SHROOM2: variants seen among roughly 807,000 people sequenced by gnomAD.
SHROOM2 encodes the protein shroom family member 2.
SHROOM2 carries 33 observed loss-of-function variants against 75.9 expected under a neutral mutation model. The observed-to-expected ratio is 0.43, with a 90% CI of 0.33 to 0.58. The LOEUF is 0.58. Among genes scored for constraint, SHROOM2 ranks in the 20% least tolerant of loss-of-function variants. SHROOM2 has a pLI of 0.04. For missense variants in SHROOM2, 1,434 were observed against 1,461.2 expected (o/e 0.98, Z 0.30); for synonymous variants, 655 against 663.6 (o/e 0.99, Z 0.20).
At chrX:9,889,221 C>G (rs1262114363) in intron 2 of SHROOM2, among the ~76,000 whole-genome samples, 1 of 112,187 alleles carries the variant, frequency 8.9e-6, no homozygotes, top group East Asian at 2.8e-4. Flanking sequence ...TCAGCATGTT[C>G]CACATTTTGC....
chrX:9,883,769 G>A (rs1485163387), intron 2 of SHROOM2, among the ~76,000 whole-genome samples: 1 of 111,525 alleles, frequency 9.0e-6, no homozygotes, highest in African/African-American at 3.3e-5. Context: ...GGAAAAGGAA[G>A]GAAGCAGAGT....
chrX:9,806,628 T>C (rs1237995963), intron 1 of SHROOM2, among the ~76,000 whole-genome samples: 1 of 94,140 alleles, frequency 1.1e-5, no homozygotes, highest in Non-Finnish European at 2.1e-5. Flanking sequence ...GCAGTGGCAC[T>C]ATCCGGGCTC....
chrX:9,880,903 G>A (rs1192804503), intron 2 of SHROOM2, among the ~76,000 whole-genome samples: 1 of 111,627 alleles, frequency 9.0e-6, no homozygotes, highest in Non-Finnish European at 1.9e-5. Context: ...GGTACTTTTA[G>A]AACCAAATCC....
rs141083792 is a variant in SHROOM2, at chrX:9,840,655, C to A, written c.166-32997C>A. 4.2e-3 allele frequency among the ~76,000 whole-genome samples: 471 copies of A among 111,918 alleles called. 2 individuals carry two copies. The highest frequency in any genetic ancestry group is 0.014 in the African/African-American group (442 of 30,834). The stretch of plus-strand genomic sequence containing the variant: ...AAATATTCTTTAGCAATTCAAGCTG[C>A]TGTTTATGAGGTGGGCTGTTTATAG... On this transcript the variant is annotated intron_variant, in intron 1 of 9. Transcript: ENST00000380913.
chrX:9,878,720 T>C (rs1282753279), intron 2 of SHROOM2, among the ~76,000 whole-genome samples: 1 of 110,474 alleles, frequency 9.1e-6, no homozygotes, highest in Non-Finnish European at 1.9e-5. Flanking sequence ...TCAGCAGGTT[T>C]ACACCCCCAC....
chrX:9,831,732 G>T (rs2083917468), intron 1 of SHROOM2, among the ~76,000 whole-genome samples: 1 of 111,847 alleles, frequency 8.9e-6, no homozygotes, highest in Non-Finnish European at 1.9e-5. Context: ...CCAAGATCGA[G>T]GCGTGGCAGA....
chrX:9,797,753 G>C (rs1054543424), intron 1 of SHROOM2, among the ~76,000 whole-genome samples: 1 of 112,114 alleles, frequency 8.9e-6, no homozygotes, highest in African/African-American at 3.2e-5. Context: ...GCAGGAGGCC[G>C]GGAGAATGCC....
chrX:9,816,806 A>G (rs1408084935), intron 1 of SHROOM2, among the ~76,000 whole-genome samples: 2 of 110,757 alleles, frequency 1.8e-5, no homozygotes, highest in Non-Finnish European at 1.9e-5. Context: ...ACACAGCTTC[A>G]GACCAAAATC....
intron 1 of SHROOM2, among the ~76,000 whole-genome samples, chrX:9,867,228 C>T (rs371154253): frequency 1.8e-5 from 2 of 111,283 alleles, no homozygotes; most frequent in Non-Finnish European, 3.8e-5. Flanking sequence ...GAACTCTAAT[C>T]GGGGCCATAA....
chrX:9,876,783 C>A (rs2084203051), intron 2 of SHROOM2, among the ~76,000 whole-genome samples: 2 of 112,349 alleles, frequency 1.8e-5, no homozygotes, highest in Non-Finnish European at 3.8e-5. Flanking sequence ...ATATACATCT[C>A]TGTGTAAAGC....
chrX:9,855,795 A>G (rs892184974), intron 1 of SHROOM2, among the ~76,000 whole-genome samples: 6 of 111,354 alleles, frequency 5.4e-5, no homozygotes, highest in African/African-American at 1.6e-4. Context: ...ACCACGAACT[A>G]GGCACACGCT....
intron 1 of SHROOM2, among the ~76,000 whole-genome samples, chrX:9,864,826 A>G (rs1483337670): frequency 9.4e-6 from 1 of 106,708 alleles, no homozygotes; most frequent in Admixed American, 1.0e-4. Context: ...CTCCGTCTCA[A>G]AAAATAAATA....
At chrX:9,912,350 G>A (rs1278288887) in intron 5 of SHROOM2, 1 of 111,312 alleles carries the variant, frequency 9.0e-6, no homozygotes, top group Non-Finnish European at 1.9e-5. Flanking sequence ...CTGAGGCAAG[G>A]AGTTGCTGAT....
chrX:9,870,226 C>T (rs780967769), intron 1 of SHROOM2, among the ~76,000 whole-genome samples: 1 of 111,733 alleles, frequency 8.9e-6, no homozygotes, highest in East Asian at 2.8e-4. Context: ...ACCCTGTCTC[C>T]AAAAACACAG....
At position 9,944,804 on chromosome X, in the gene SHROOM2, T is replaced by C. The variant is rs759757462; in HGVS notation, c.4475T>C (p.Ile1492Thr). Residue 1492 changes from isoleucine (I) to threonine (T), a missense_variant, in exon 9 of 10, where the codon ATT (isoleucine) becomes ACT (threonine). This residue lies in a region of SHROOM2 where 14 missense variants were observed against 34.5 expected (regional missense o/e 0.41). Coordinates refer to ENST00000380913, the MANE Select transcript of SHROOM2 (RefSeq NM_001649.4). ...PSEFDKFRMF[I>T]GDLDKVVNLL... ...GAGTTTGACAAGTTCCGGATGTTCATTGGAGACCTGGACAAAGTGGTGAAC... is the reference window on the plus strand; with the variant it reads ...GAGTTTGACAAGTTCCGGATGTTCACTGGAGACCTGGACAAAGTGGTGAAC... The C allele has an allele frequency of 9.9e-6, 12 of 1,211,079 alleles. No individual in the cohort carries two copies. The highest frequency in any genetic ancestry group is 3.5e-5 in the African/African-American group (2 of 57,541).
intron 1 of SHROOM2, among the ~76,000 whole-genome samples, chrX:9,826,396 TG>T (rs2083887776): frequency 8.9e-6 from 1 of 112,053 alleles, no homozygotes; most frequent in Non-Finnish European, 1.9e-5. Context: ...TTTCTTTTTT[TG>T]ACAGGTATCA....
chrX:9,832,154 G>T, intron 1 of SHROOM2, among the ~76,000 whole-genome samples: 1 of 112,226 alleles, frequency 8.9e-6, no homozygotes, highest in Non-Finnish European at 1.9e-5. Flanking sequence ...GTTTAAGAGA[G>T]TCTGGTCCTT....
chrX:9,815,207 A>G (rs909962913), intron 1 of SHROOM2, among the ~76,000 whole-genome samples: 1 of 111,512 alleles, frequency 9.0e-6, no homozygotes, highest in Non-Finnish European at 1.9e-5. Flanking sequence ...TATTTTGCAT[A>G]ACTCTCTAAA....
intron 8 of SHROOM2, among the ~76,000 whole-genome samples, chrX:9,943,587 G>A (rs767366028): frequency 9.8e-5 from 11 of 112,101 alleles, no homozygotes; most frequent in Non-Finnish European, 1.9e-4. Flanking sequence ...CGCAGTTTCA[G>A]TTGGGGAAGA....
Sources: allele counts gnomAD v4.1 joint callset (sites outside exome capture counted in the v4.1 genomes callset), GRCh38; gene constraint gnomAD v4.1.1; regional missense constraint gnomAD v4.1.1; transcripts MANE v1.5; gene names NCBI Gene and HGNC (gene_info 2026-07-23, HGNC 2026-07-21).